Variants in SLC14A2 observed in about 807,000 individuals in gnomAD.
SLC14A2 encodes the protein urea transporter 2.
A neutral mutation model predicts 104.6 loss-of-function variants in SLC14A2; 91 were observed. The ratio of observed to expected loss-of-function variants is 0.87; its 90% CI spans 0.73 to 1.04. SLC14A2 has a LOEUF of 1.04. Ranked by LOEUF, SLC14A2 falls within the 50% of genes least tolerant of loss-of-function variation. The pLI is 0.00. For missense variants in SLC14A2, 1,189 were observed against 1,156.0 expected (o/e 1.03, Z -0.41); for synonymous variants, 476 against 466.4 (o/e 1.02, Z -0.27).
chr18:45,578,744 A>G (rs1038326609), intron 2 of SLC14A2, among the ~76,000 whole-genome samples: 3 of 152,260 alleles, frequency 2.0e-5, no homozygotes, highest in African/African-American at 7.2e-5. Context: ...CCTCATTCCA[A>G]CAATGGAGAT....
rs1014291850 is a variant in SLC14A2 at position 45,644,347 on chromosome 18, A to G, written c.1351+187A>G. 5.6e-6 allele frequency: 3 copies of G among 539,804 alleles called. No individual in the cohort carries two copies. In the South Asian group the frequency reaches 1.1e-4, roughly 19 times the overall value. The allele number at this position is 539,804 out of a possible 1,614,324, so 33.4% of individuals were successfully genotyped here. A position where few individuals can be genotyped will look rare whatever the true frequency, so the allele number is the denominator to read the frequency against. ...ATTTTCATTCTCTGCCAGAATCTCC[A>G]TAACTATCTATTGTGCGACATTAAG... On this transcript the variant is annotated intron_variant, in intron 10 of 19. Coordinates refer to ENST00000255226, the MANE Select transcript of SLC14A2 (RefSeq NM_007163.4).
intron 1 of SLC14A2, among the ~76,000 whole-genome samples, chr18:45,400,206 A>G (rs1012562164): frequency 6.6e-6 from 1 of 152,182 alleles, no homozygotes; most frequent in African/African-American, 2.4e-5. Flanking sequence ...AAAGAGACCA[A>G]TTCAGAATCA....
intron 2 of SLC14A2, among the ~76,000 whole-genome samples, chr18:45,511,638 A>C (rs951977486): frequency 1.5e-4 from 23 of 152,210 alleles, no homozygotes; most frequent in Non-Finnish European, 3.2e-4. Context: ...AACCAGGAAA[A>C]GCTTGCAGGA....
At position 45,644,104 on chromosome 18, in the gene SLC14A2, C is replaced by T; in HGVS notation, c.1295C>T (p.Ala432Val). 6.2e-7 allele frequency: 1 copy of T among 1,614,224 alleles called. No homozygotes were observed. The highest frequency in any genetic ancestry group is 8.5e-7 in the Non-Finnish European group (1 of 1,180,026). ...CTCAGCAAAGTCACCTACCCCGAGGCCAACCGCATCTACTACCTGACAGTG... is the reference window on the plus strand; with the variant it reads ...CTCAGCAAAGTCACCTACCCCGAGGTCAACCGCATCTACTACCTGACAGTG... ...LPLSKVTYPEANRIYYLTVKS... is the reference protein window; with the variant it reads ...LPLSKVTYPEVNRIYYLTVKS... The change falls in exon 10 of 20, where the codon GCC becomes GTC. Residue 432 changes from alanine to valine, a missense_variant. Coordinates refer to ENST00000255226, the MANE Select transcript of SLC14A2 (RefSeq NM_007163.4).
At chr18:45,402,568 A>G (rs1049572208) in intron 1 of SLC14A2, among the ~76,000 whole-genome samples, 2 of 152,236 alleles carry the variant, frequency 1.3e-5, no homozygotes, top group Admixed American at 6.5e-5. Context: ...GTCCCAGTAG[A>G]TCTTGTCAAC....
chr18:45,234,523 A>G (rs532452765), intron 1 of SLC14A2, among the ~76,000 whole-genome samples: 28 of 146,752 alleles, frequency 1.9e-4, no homozygotes, highest in African/African-American at 7.4e-4. Flanking sequence ...CTTCCAAAAC[A>G]TCACTCAAAA....
chr18:45,560,767 A>G (rs1025578541), intron 2 of SLC14A2, among the ~76,000 whole-genome samples: 1 of 151,540 alleles, frequency 6.6e-6, no homozygotes, highest in African/African-American at 2.4e-5. Flanking sequence ...GAGCCCCCAT[A>G]CCCTCACCTC....
At chr18:45,434,562 C>A (rs1430416764) in intron 1 of SLC14A2, among the ~76,000 whole-genome samples, 1 of 152,170 alleles carries the variant, frequency 6.6e-6, no homozygotes, top group Non-Finnish European at 1.5e-5. Flanking sequence ...ATTTCCTGCA[C>A]AGAACCAAGA....
chr18:45,194,749 C>T, the SLC14A2 span, among the ~76,000 whole-genome samples: 1 of 150,566 alleles, frequency 6.6e-6, no homozygotes, highest in African/African-American at 2.4e-5. Flanking sequence ...GGGTTCACGC[C>T]ATTCTTCTGC....
chr18:45,527,483 T>C (rs780051779), intron 2 of SLC14A2, among the ~76,000 whole-genome samples: 8 of 152,186 alleles, frequency 5.3e-5, no homozygotes, highest in Admixed American at 6.5e-5. Flanking sequence ...GCAATAGCAA[T>C]AGAATTACAT....
chr18:45,219,407 A>T (rs994340844), intron 1 of SLC14A2, among the ~76,000 whole-genome samples: 1 of 152,218 alleles, frequency 6.6e-6, no homozygotes, highest in Admixed American at 6.5e-5. Context: ...AAGTGAAGGC[A>T]GTTAAGTCCT....
At chr18:45,186,313 A>G in the SLC14A2 span, among the ~76,000 whole-genome samples, 43 of 152,350 alleles carry the variant, frequency 2.8e-4, no homozygotes, top group Admixed American at 2.2e-3. Context: ...TTTATATATG[A>G]CCAACTGGTT....
chr18:45,260,395 A>T (rs997263321), intron 1 of SLC14A2, among the ~76,000 whole-genome samples: 1 of 152,216 alleles, frequency 6.6e-6, no homozygotes, highest in African/African-American at 2.4e-5. Context: ...AGCAAACACT[A>T]TGTAGCATTT....
intron 1 of SLC14A2, among the ~76,000 whole-genome samples, chr18:45,621,042 T>C (rs1213419584): frequency 1.3e-5 from 2 of 152,236 alleles, no homozygotes; most frequent in Non-Finnish European, 2.9e-5. Flanking sequence ...TCCAGTTGTA[T>C]AGTGTCATGC....
chr18:45,544,501 A>T (rs2043937900), intron 2 of SLC14A2, among the ~76,000 whole-genome samples: 1 of 152,162 alleles, frequency 6.6e-6, no homozygotes, highest in South Asian at 2.1e-4. Context: ...GTTTCTTTAT[A>T]AAAAACGACA....
At chr18:45,417,248 A>T (rs1248996856) in intron 1 of SLC14A2, among the ~76,000 whole-genome samples, 1 of 152,082 alleles carries the variant, frequency 6.6e-6, no homozygotes, top group Non-Finnish European at 1.5e-5. Context: ...AAGCATCTTA[A>T]CACTTCCCCT....
chr18:45,341,948 A>G (rs907643588), intron 1 of SLC14A2, among the ~76,000 whole-genome samples: 4 of 152,156 alleles, frequency 2.6e-5, no homozygotes, highest in Non-Finnish European at 5.9e-5. Context: ...GAAAATATGT[A>G]TTAGGCAAGC....
At chr18:45,657,400 T>C (rs1236241959) in intron 10 of SLC14A2, among the ~76,000 whole-genome samples, 5 of 149,988 alleles carry the variant, frequency 3.3e-5, no homozygotes, top group Admixed American at 6.6e-5. Context: ...GACAGGAGAA[T>C]TGCTTGAACT....
At chr18:45,551,946 AAGAGTTT>A (rs1231158353) in intron 2 of SLC14A2, among the ~76,000 whole-genome samples, 3 of 152,202 alleles carry the variant, frequency 2.0e-5, no homozygotes, top group Non-Finnish European at 4.4e-5. Flanking sequence ...TAGTATTCAT[AAGAGTTT>A]AAAGTTAATT....
Sources: allele counts gnomAD v4.1 joint callset (sites outside exome capture counted in the v4.1 genomes callset), GRCh38; gene constraint gnomAD v4.1.1; transcripts MANE v1.5; gene names NCBI Gene and HGNC (gene_info 2026-07-23, HGNC 2026-07-21).